Variants in CNTN5 observed in about 807,000 individuals in gnomAD.
The protein encoded by CNTN5 is contactin-5.
Under a neutral mutation model 129.1 loss-of-function variants are expected in CNTN5, and 77 were observed. That is an observed-to-expected ratio of 0.60 (90% CI 0.50 to 0.72). The LOEUF (loss-of-function observed/expected upper bound fraction) is 0.72, where lower values mean the gene tolerates loss of function less well. Ranked by LOEUF, CNTN5 falls within the 30% of genes least tolerant of loss-of-function variation. The pLI, the probability that CNTN5 is intolerant of heterozygous loss-of-function variation, is 0.00. For missense variants in CNTN5, 1,478 were observed against 1,328.8 expected (o/e 1.11, Z -1.75); for synonymous variants, 509 against 465.6 (o/e 1.09, Z -1.20).
chr11:99,421,384 A>G (rs1942882591), intron 2 of CNTN5, among the ~76,000 whole-genome samples: 1 of 152,192 alleles, frequency 6.6e-6, no homozygotes, highest in Non-Finnish European at 1.5e-5. Flanking sequence ...GAGAACTGGG[A>G]AGAAGAATGG....
chr11:99,552,235 T>C (rs79801790), intron 2 of CNTN5, among the ~76,000 whole-genome samples: 1,773 of 150,874 alleles, frequency 0.012, 35 homozygotes, highest in African/African-American at 0.04. Flanking sequence ...TTGTATTATA[T>C]TTTGCCAAAA....
chr11:99,241,676 T>C (rs1240374467), intron 1 of CNTN5, among the ~76,000 whole-genome samples: 1 of 152,158 alleles, frequency 6.6e-6, no homozygotes, highest in Non-Finnish European at 1.5e-5. Context: ...ATGTTCCTTT[T>C]ATTACGTCTA....
intron 1 of CNTN5, among the ~76,000 whole-genome samples, chr11:99,318,318 G>A (rs964457835): frequency 6.6e-6 from 1 of 152,112 alleles, no homozygotes; most frequent in African/African-American, 2.4e-5. Context: ...GTGATTTTAT[G>A]CAGCTAATTA....
intron 8 of CNTN5, among the ~76,000 whole-genome samples, chr11:99,993,499 G>A (rs1482499848): frequency 1.3e-5 from 2 of 152,122 alleles, no homozygotes; most frequent in African/African-American, 4.8e-5. Flanking sequence ...GATGGTTTCA[G>A]GATGAAACTT....
chr11:99,220,455 T>A (rs896401329), intron 1 of CNTN5, among the ~76,000 whole-genome samples: 10 of 151,952 alleles, frequency 6.6e-5, no homozygotes, highest in Admixed American at 6.6e-4. Context: ...ATTTTATATT[T>A]ACAAATAGCC....
At chr11:100,252,448 T>C (rs570769368) in intron 16 of CNTN5, among the ~76,000 whole-genome samples, 1 of 152,306 alleles carries the variant, frequency 6.6e-6, no homozygotes, top group South Asian at 2.1e-4. Context: ...TTTGCTTTTG[T>C]TGCCTGTGCT....
intron 18 of CNTN5, among the ~76,000 whole-genome samples, chr11:100,274,793 T>C (rs1041473613): frequency 5.3e-5 from 8 of 152,216 alleles, no homozygotes; most frequent in Non-Finnish European, 1.2e-4. Context: ...GGTGGGAGTA[T>C]AAATTAGGTC....
At chr11:100,226,758 C>G (rs1274433584) in intron 16 of CNTN5, among the ~76,000 whole-genome samples, 1 of 152,056 alleles carries the variant, frequency 6.6e-6, no homozygotes, top group Non-Finnish European at 1.5e-5. Context: ...TTCTGGTTCT[C>G]TTTTAAAAAA....
At chr11:99,094,845 G>A (rs1591180927) in intron 1 of CNTN5, among the ~76,000 whole-genome samples, 1 of 151,848 alleles carries the variant, frequency 6.6e-6, no homozygotes, top group African/African-American at 2.4e-5. Flanking sequence ...ATTAGTGTGA[G>A]AAAGGAGATT....
chr11:100,253,501 A>G (rs1303027393), intron 16 of CNTN5, among the ~76,000 whole-genome samples: 1 of 152,176 alleles, frequency 6.6e-6, no homozygotes, highest in East Asian at 1.9e-4. Context: ...GAAGAAGTAA[A>G]TGAACAATTT....
rs138337249 is a variant in CNTN5, at chr11:99,957,681, GA to G, written c.877+674del. On this transcript the variant is annotated intron_variant, in intron 8 of 24. Transcript: ENST00000524871. Reference sequence around the variant, plus strand: ...CTCTGTCATGCAGCAAAAAATCTATGAAGGCGTTATTAAGAAGCATGAGAAT... The same window carrying G: ...CTCTGTCATGCAGCAAAAAATCTATGAGGCGTTATTAAGAAGCATGAGAAT... Among the ~76,000 whole-genome samples, 830 of 152,180 alleles carry G rather than the reference GA, an allele frequency of 5.5e-3. 7 individuals carry two copies. Among genetic ancestry groups the G allele is most frequent in the African/African-American group, 0.019 (780 of 41,546 alleles).
intron 16 of CNTN5, among the ~76,000 whole-genome samples, chr11:100,253,081 A>G (rs955569082): frequency 6.6e-6 from 1 of 152,214 alleles, no homozygotes. Flanking sequence ...AGGCAGACAC[A>G]AAGTGATTAA....
intron 16 of CNTN5, among the ~76,000 whole-genome samples, chr11:100,229,691 A>G (rs17094656): frequency 0.093 from 14,221 of 152,258 alleles, 802 homozygotes; most frequent in East Asian, 0.31. Context: ...TTAAAGCAGT[A>G]TTAATGTGCT....
chr11:100,346,863 G>A (rs1342580010), intron 23 of CNTN5, among the ~76,000 whole-genome samples: 3 of 152,070 alleles, frequency 2.0e-5, no homozygotes, highest in South Asian at 4.1e-4. Flanking sequence ...ACAGTTCCAC[G>A]TGGCTGGAGA....
At chr11:99,538,128 C>A (rs530290502) in intron 2 of CNTN5, among the ~76,000 whole-genome samples, 1 of 152,116 alleles carries the variant, frequency 6.6e-6, no homozygotes, top group Non-Finnish European at 1.5e-5. Context: ...GTAGTAAAAC[C>A]TTGAGACAGT....
chr11:99,460,242 GA>G (rs1944644399), intron 2 of CNTN5, among the ~76,000 whole-genome samples: 1 of 151,084 alleles, frequency 6.6e-6, no homozygotes, highest in Non-Finnish European at 1.5e-5. Flanking sequence ...CTCTTAAATA[GA>G]AATTTTTAAA....
At chr11:99,172,932 A>G (rs377065724) in intron 1 of CNTN5, among the ~76,000 whole-genome samples, 4 of 152,322 alleles carry the variant, frequency 2.6e-5, no homozygotes, top group African/African-American at 9.6e-5. Context: ...CGAGATTGGG[A>G]AATTTACAAA....
intron 3 of CNTN5, among the ~76,000 whole-genome samples, chr11:99,601,210 C>T (rs1471114655): frequency 2.6e-5 from 4 of 152,158 alleles, no homozygotes; most frequent in African/African-American, 9.7e-5. Context: ...TTAATCTTTA[C>T]TCAAGATGTT....
intron 15 of CNTN5, among the ~76,000 whole-genome samples, chr11:100,201,205 A>C (rs1948770087): frequency 6.6e-6 from 1 of 152,002 alleles, no homozygotes; most frequent in African/African-American, 2.4e-5. Flanking sequence ...TAGACATAAC[A>C]GTCTTTCTGA....
Sources: allele counts gnomAD v4.1 joint callset (sites outside exome capture counted in the v4.1 genomes callset), GRCh38; gene constraint gnomAD v4.1.1; transcripts MANE v1.5; gene names NCBI Gene and HGNC (gene_info 2026-07-23, HGNC 2026-07-21).